Variants in SHOX observed in about 807,000 individuals in gnomAD.
SHOX encodes short stature homeobox protein.
Under a neutral mutation model 29.6 loss-of-function variants are expected in SHOX, and 12 were observed. That is an observed-to-expected ratio of 0.41 (90% CI 0.26 to 0.66). The LOEUF is 0.66. Among genes scored for constraint, SHOX ranks in the 30% least tolerant of loss-of-function variants. SHOX has a pLI of 0.35. For synonymous variants in SHOX, 214 were observed against 200.6 expected (o/e 1.07, Z -0.57); for missense variants, 499 against 437.7 (o/e 1.14, Z -1.25).
intron 4 of SHOX, among the ~76,000 whole-genome samples, chrX:642,304 G>C (rs1179349382): frequency 2.0e-5 from 3 of 152,092 alleles, no homozygotes; most frequent in African/African-American, 4.8e-5. Flanking sequence ...CGGGCTTGGG[G>C]GGGGGGCTCT....
downstream of SHOX, among the ~76,000 whole-genome samples, chrX:652,172 G>C (rs1191418669): frequency 2.0e-5 from 3 of 151,966 alleles, no homozygotes; most frequent in Admixed American, 6.6e-5. Context: ...ATCCACCCGC[G>C]TCTGGGCCCG....
chrX:634,860 A>G, intron 2 of SHOX, 34 bp downstream of exon 2: 1 of 1,543,006 alleles, frequency 6.5e-7, no homozygotes, highest in Non-Finnish European at 8.7e-7. Context: ...GGGGGCCCGG[A>G]GCCATCGCCT....
At chrX:627,307 G>T (rs1261900737), upstream of SHOX, among the ~76,000 whole-genome samples, 6 of 152,154 alleles carry the variant, frequency 3.9e-5, no homozygotes, top group South Asian at 2.1e-4. Flanking sequence ...AAAAGCTCTC[G>T]TCTGGATTTC....
upstream of SHOX, chrX:630,560 C>G: frequency 2.2e-6 from 1 of 459,188 alleles, no homozygotes; most frequent in Non-Finnish European, 4.0e-6. Flanking sequence ...TGCGCGCGCG[C>G]TCTCCCTTCC....
At chrX:627,217 C>G (rs60244183), upstream of SHOX, among the ~76,000 whole-genome samples, 1 of 152,194 alleles carries the variant, frequency 6.6e-6, no homozygotes, top group Non-Finnish European at 1.5e-5. Flanking sequence ...ACATTTCATA[C>G]AGTCCACCCA....
At chrX:641,508 C>G (rs1440126035) in intron 4 of SHOX, among the ~76,000 whole-genome samples, 1 of 152,030 alleles carries the variant, frequency 6.6e-6, no homozygotes, top group Non-Finnish European at 1.5e-5. Context: ...GACCAACATG[C>G]TGAAACCCCG....
rs1418618552 is a variant in SHOX, at chrX:634,899, A to G, written c.486+73A>G. ...CCTCGGGAGCGCACAGCACGCGTAC[A>G]GCCACCTGCGCCCGGGCCGCCGCCG... On this transcript the variant is annotated intron_variant, in intron 2 of 4. Coordinates refer to ENST00000686671, the MANE Select transcript of SHOX (RefSeq NM_000451.4). 1.0e-5 allele frequency: 15 copies of G among 1,469,332 alleles called. No individual in the cohort carries two copies. In the Admixed American group the frequency reaches 1.3e-4, roughly 12 times the overall value. 91.0% of individuals were successfully genotyped at this position (1,469,332 alleles called of 1,614,324 possible).
At chrX:654,753 C>T (rs2053114171), downstream of SHOX, among the ~76,000 whole-genome samples, 1 of 152,084 alleles carries the variant, frequency 6.6e-6, no homozygotes, top group Non-Finnish European at 1.5e-5. Context: ...GGCGTGATCT[C>T]AGCTCACTGT....
In SHOX at chrX:649,610, C is replaced by T. The variant is rs1402127369; in HGVS notation, c.*4974C>T. Among the ~76,000 whole-genome samples, 10 of 152,130 alleles carry T rather than the reference C, an allele frequency of 6.6e-5. No individual in the cohort carries two copies. Among genetic ancestry groups the T allele is most frequent in the African/African-American group, 1.2e-4 (5 of 41,438 alleles). ...CCTGTGGCTTCCCGGTGAGCTCGCT[C>T]GCAGAGCAAGGAATACCACCCAGAG... On this transcript the variant is annotated 3_prime_UTR_variant, in exon 5 of 5. Transcript: ENST00000686671.
At position 649,118 on chromosome X, in the gene SHOX, T is replaced by A. The variant is rs1314123856; in HGVS notation, c.*4482T>A. 1.3e-5 allele frequency among the ~76,000 whole-genome samples: 2 copies of A among 151,792 alleles called. No individual in the cohort carries two copies. The highest frequency in any genetic ancestry group is 2.9e-5 in the Non-Finnish European group (2 of 67,968). On this transcript the variant is annotated 3_prime_UTR_variant, in exon 5 of 5. Coordinates refer to ENST00000686671, the MANE Select transcript of SHOX (RefSeq NM_000451.4). ...AGTGGTGCAATCCCAGCTCACTGCA[T>A]CCTCTACCTCCTGGCTTCAAGAAAT... is the stretch of plus-strand genomic sequence containing the variant.
downstream of SHOX, among the ~76,000 whole-genome samples, chrX:654,193 T>C (rs2053106218): frequency 6.6e-6 from 1 of 151,930 alleles, no homozygotes; most frequent in Non-Finnish European, 1.5e-5. Flanking sequence ...ATCAAAGCAC[T>C]TTTGGAGGCG....
intron 4 of SHOX, among the ~76,000 whole-genome samples, chrX:643,256 T>C (rs1262096430): frequency 3.5e-5 from 5 of 144,892 alleles, no homozygotes; most frequent in African/African-American, 1.1e-4. Context: ...GGGGACCTGG[T>C]GTCCTGGGAG....
intron 2 of SHOX, among the ~76,000 whole-genome samples, chrX:639,961 A>C (rs2052822094): frequency 6.6e-6 from 1 of 151,870 alleles, no homozygotes; most frequent in Non-Finnish European, 1.5e-5. Flanking sequence ...AGATCACACC[A>C]CTGCACTCCA....
rs1394788495 is a variant in SHOX, at chrX:651,199, T to G, written c.*6563T>G. 1.9e-5 allele frequency: 8 copies of G among 427,210 alleles called. No individual in the cohort carries two copies. The highest frequency in any genetic ancestry group is 3.4e-5 in the South Asian group (2 of 59,396). The allele number at this position is 427,210 out of a possible 1,614,324, so 26.5% of individuals were successfully genotyped here. A position where few individuals can be genotyped will look rare whatever the true frequency, so the allele number is the denominator to read the frequency against. On this transcript the variant is annotated 3_prime_UTR_variant, in exon 5 of 5. Coordinates refer to ENST00000686671, the MANE Select transcript of SHOX (RefSeq NM_000451.4). The stretch of plus-strand genomic sequence containing the variant: ...ATCGCGTTGCATTTATTTTTATATT[T>G]CTGAAAACTGTTGCTTTTTCTTTTT...
intron 1 of SHOX, among the ~76,000 whole-genome samples, chrX:632,647 A>C (rs2052671381): frequency 6.6e-6 from 1 of 152,148 alleles, no homozygotes; most frequent in East Asian, 1.9e-4. Flanking sequence ...CAAGGCCCTG[A>C]CTTTGTCGAA....
In SHOX at chrX:644,520, G is replaced by A; in HGVS notation, c.763G>A (p.Glu255Lys). ...PFGLPIASLAESASAAAVVAA... is the reference protein window; with the variant it reads ...PFGLPIASLAKSASAAAVVAA... ...CGGGCTGCCCATCGCGTCGCTGGCCGAGTCCGCCTCGGCCGCCGCCGTGGT... is the reference window on the plus strand; with the variant it reads ...CGGGCTGCCCATCGCGTCGCTGGCCAAGTCCGCCTCGGCCGCCGCCGTGGT... Residue 255 changes from glutamate (E) to lysine (K), a missense_variant, in exon 5 of 5, where the codon GAG (glutamate) becomes AAG (lysine). Coordinates refer to ENST00000686671, the MANE Select transcript of SHOX (RefSeq NM_000451.4). 3 of 1,519,200 alleles carry A rather than the reference G, an allele frequency of 2.0e-6. No homozygotes were observed. The highest frequency in any genetic ancestry group is 2.6e-5 in the East Asian group (1 of 39,134). The allele number at this position is 1,519,200 out of a possible 1,614,324, so 94.1% of individuals were successfully genotyped here.
At chrX:626,689 G>T (rs1303545085), upstream of SHOX, among the ~76,000 whole-genome samples, 3 of 98,230 alleles carry the variant, frequency 3.1e-5, no homozygotes, top group South Asian at 3.6e-4. Flanking sequence ...GTCTATCTCT[G>T]TCTCTCTTTC....
chrX:638,618 G>A (rs2052797466), intron 2 of SHOX, among the ~76,000 whole-genome samples: 2 of 152,138 alleles, frequency 1.3e-5, no homozygotes, highest in African/African-American at 4.8e-5. Flanking sequence ...CTTTGGAAAT[G>A]AAAAGCCAGT....
Position 644,374 on chromosome X carries a change from C to G in SHOX, c.634-17C>G. ...TCCCCATCCTGCGCCCTCACCCCGC[C>G]GGGTCCGCTCCCGCAGGTCCAGGCT... On this transcript the variant is annotated splice_polypyrimidine_tract_variant and intron_variant, in intron 4 of 4. Coordinates refer to ENST00000686671, the MANE Select transcript of SHOX (RefSeq NM_000451.4). The G allele has an allele frequency of 6.6e-7, 1 of 1,517,024 alleles. No individual in the cohort carries two copies. Among genetic ancestry groups the G allele is most frequent in the Non-Finnish European group, 8.8e-7 (1 of 1,140,020 alleles). 94.0% of individuals were successfully genotyped at this position (1,517,024 alleles called of 1,614,324 possible). A position where few individuals can be genotyped will look rare whatever the true frequency, so the allele number is the denominator to read the frequency against.
Sources: allele counts gnomAD v4.1 joint callset (sites outside exome capture counted in the v4.1 genomes callset), GRCh38; gene constraint gnomAD v4.1.1; transcripts MANE v1.5; gene names NCBI Gene and HGNC (gene_info 2026-07-23, HGNC 2026-07-21).